EXOC4: variants seen among roughly 807,000 people sequenced by gnomAD.
EXOC4 encodes the protein SEC8-like 1.
A neutral mutation model predicts 107.2 loss-of-function variants in EXOC4; 71 were observed. The observed-to-expected ratio is 0.66, with a 90% CI of 0.55 to 0.81. EXOC4 has a LOEUF of 0.81. Among genes scored for constraint, EXOC4 ranks in the 30% least tolerant of loss-of-function variants. EXOC4 has a pLI of 0.00. For synonymous variants in EXOC4, 456 were observed against 441.2 expected, an observed-to-expected ratio of 1.03 and a Z score of -0.42; for missense variants, 1,108 against 1,189.6, an observed-to-expected ratio of 0.93 and a Z score of 1.01.
intron 9 of EXOC4, among the ~76,000 whole-genome samples, chr7:133,521,422 G>T (rs561684641): frequency 6.6e-6 from 1 of 152,082 alleles, no homozygotes; most frequent in Admixed American, 6.5e-5. Context: ...TCTATCTAAG[G>T]CTGTTACTTT....
chr7:133,932,503 C>T (rs1366134517), intron 13 of EXOC4, among the ~76,000 whole-genome samples: 1 of 152,160 alleles, frequency 6.6e-6, no homozygotes, highest in Admixed American at 6.5e-5. Flanking sequence ...TGCATATGTA[C>T]CATATACTGA....
At chr7:134,085,332 C>CA in the EXOC4 span, among the ~76,000 whole-genome samples, 1,684 of 144,820 alleles carry the variant, frequency 0.012, 59 homozygotes, top group East Asian at 0.12. Flanking sequence ...ACAAAAACAA[C>CA]AAAAAAAAAA....
At chr7:133,430,239 T>C (rs1797825135) in intron 7 of EXOC4, among the ~76,000 whole-genome samples, 1 of 152,222 alleles carries the variant, frequency 6.6e-6, no homozygotes, top group African/African-American at 2.4e-5. Flanking sequence ...TTGCTTCTTC[T>C]CTTTTCTCCT....
chr7:133,414,470 A>G (rs752447642), intron 7 of EXOC4, among the ~76,000 whole-genome samples: 1 of 152,160 alleles, frequency 6.6e-6, no homozygotes, highest in African/African-American at 2.4e-5. Flanking sequence ...TTTATGTGTT[A>G]GCCTAGGAAA....
chr7:133,739,052 T>G (rs1795506075), intron 10 of EXOC4, among the ~76,000 whole-genome samples: 1 of 152,168 alleles, frequency 6.6e-6, no homozygotes, highest in African/African-American at 2.4e-5. Flanking sequence ...TGTAAATTAT[T>G]TGTTGTGGTT....
At chr7:134,052,244 G>A (rs1795813895) in intron 17 of EXOC4, among the ~76,000 whole-genome samples, 1 of 152,168 alleles carries the variant, frequency 6.6e-6, no homozygotes, top group African/African-American at 2.4e-5. Context: ...TAAAGGGTTT[G>A]GGGTTTGTTT....
intron 9 of EXOC4, among the ~76,000 whole-genome samples, chr7:133,537,299 C>CCA (rs1800290107): frequency 6.8e-6 from 1 of 147,820 alleles, no homozygotes; most frequent in African/African-American, 2.6e-5. Context: ...TACAGGCACC[C>CCA]CCCCCCCCAC....
intron 12 of EXOC4, among the ~76,000 whole-genome samples, chr7:133,916,863 C>T (rs1048143930): frequency 2.6e-5 from 4 of 152,058 alleles, no homozygotes; most frequent in African/African-American, 4.8e-5. Flanking sequence ...CATGTTGAAC[C>T]GAAAGAAAAG....
chr7:133,377,056 A>G (rs1796505869), intron 7 of EXOC4, among the ~76,000 whole-genome samples: 1 of 152,206 alleles, frequency 6.6e-6, no homozygotes, highest in Non-Finnish European at 1.5e-5. Context: ...ATAAATATCT[A>G]AAATGAAAAA....
chr7:133,783,844 C>A (rs1796514965), intron 10 of EXOC4, among the ~76,000 whole-genome samples: 1 of 152,094 alleles, frequency 6.6e-6, no homozygotes, highest in African/African-American at 2.4e-5. Context: ...CTCTTTCATA[C>A]AATTTAATTG....
chr7:133,870,256 A>G (rs879881873), intron 11 of EXOC4, among the ~76,000 whole-genome samples: 18 of 152,158 alleles, frequency 1.2e-4, no homozygotes, highest in Non-Finnish European at 2.2e-4. Context: ...CCCTACCTCC[A>G]TTTGTACTCA....
At chr7:134,029,534 A>T (rs1795222581) in intron 17 of EXOC4, among the ~76,000 whole-genome samples, 1 of 152,126 alleles carries the variant, frequency 6.6e-6, no homozygotes, top group African/African-American at 2.4e-5. Context: ...TTATTGCTTC[A>T]TGAATGACAA....
intron 7 of EXOC4, among the ~76,000 whole-genome samples, chr7:133,384,024 A>G (rs1314856968): frequency 2.0e-5 from 3 of 152,156 alleles, no homozygotes; most frequent in Non-Finnish European, 4.4e-5. Context: ...CTGTAGCACC[A>G]GGACTCTCCC....
chr7:133,748,974 G>A (rs1331150222), intron 10 of EXOC4, among the ~76,000 whole-genome samples: 4 of 152,170 alleles, frequency 2.6e-5, no homozygotes, highest in African/African-American at 7.2e-5. Flanking sequence ...CCCTTCTTAA[G>A]ATAGCAGCCT....
chr7:134,022,195 G>A (rs990711874), intron 17 of EXOC4, among the ~76,000 whole-genome samples: 10 of 152,134 alleles, frequency 6.6e-5, no homozygotes, highest in Non-Finnish European at 1.5e-4. Flanking sequence ...TGTTTCTTTT[G>A]TTAACTTTAA....
intron 10 of EXOC4, among the ~76,000 whole-genome samples, chr7:133,753,603 T>C (rs1037735182): frequency 2.6e-5 from 4 of 152,214 alleles, no homozygotes; most frequent in African/African-American, 9.6e-5. Context: ...ATACTATTTA[T>C]GTTAAAGGCT....
intron 11 of EXOC4, among the ~76,000 whole-genome samples, chr7:133,855,118 T>TATATAAATATATATAA (rs1554409789): frequency 1.1e-5 from 1 of 94,886 alleles, no homozygotes; most frequent in Non-Finnish European, 2.0e-5. Context: ...TATATAAATA[T>TATATAAATATATATAA]ATATATATAA....
At chr7:133,385,842 G>A (rs768278947) in intron 7 of EXOC4, among the ~76,000 whole-genome samples, 3 of 152,226 alleles carry the variant, frequency 2.0e-5, no homozygotes, top group Non-Finnish European at 4.4e-5. Flanking sequence ...TTGAGAATCC[G>A]TGATAACTTT....
Position 133,774,390 on chromosome 7 carries a change from T to G in EXOC4, c.1515-42935T>G, listed in dbSNP as rs186657752. ...GTAGAATGACATTGAATAAAGATGT[T>G]GAAAAAAAGAATGCAACCAAAGATG... On this transcript the variant is annotated intron_variant, in intron 10 of 17. Coordinates refer to ENST00000253861, the MANE Select transcript of EXOC4 (RefSeq NM_021807.4). Among the ~76,000 whole-genome samples, 4 of 152,190 alleles carry G rather than the reference T, an allele frequency of 2.6e-5. No individual in the cohort carries two copies. In the East Asian group the frequency reaches 7.7e-4, roughly 29 times the overall value.
Sources: allele counts gnomAD v4.1 joint callset (sites outside exome capture counted in the v4.1 genomes callset), GRCh38; gene constraint gnomAD v4.1.1; transcripts MANE v1.5; gene names NCBI Gene and HGNC (gene_info 2026-07-23, HGNC 2026-07-21).